The following FANCC variants were observed in gnomAD, a reference collection of about 807,000 sequenced individuals.
The protein encoded by FANCC is FA complementation group C.
A neutral mutation model predicts 71.3 loss-of-function variants in FANCC; 55 were observed. That is an observed-to-expected ratio of 0.77 (90% confidence interval 0.62 to 0.97). The LOEUF (loss-of-function observed/expected upper bound fraction) is 0.97. Among genes scored for constraint, FANCC ranks in the 50% least tolerant of loss-of-function variants. The probability of loss-of-function intolerance (pLI) is 0.00; values close to 1 mark genes in which losing one functional copy is unlikely to be tolerated. For missense variants in FANCC, 678 were observed against 670.9 expected, an observed-to-expected ratio of 1.01 and a Z score of -0.12; for synonymous variants, 275 against 244.9, an observed-to-expected ratio of 1.12 and a Z score of -1.15.
intron 1 of FANCC, among the ~76,000 whole-genome samples, chr9:95,261,773 G>C (rs1389175493): frequency 1.3e-5 from 2 of 152,170 alleles, no homozygotes; most frequent in African/African-American, 4.8e-5. Flanking sequence ...CTAAAGCAAA[G>C]TCGTATGAGC....
At chr9:95,284,940 G>A (rs867498347) in intron 1 of FANCC, among the ~76,000 whole-genome samples, 36 of 145,946 alleles carry the variant, frequency 2.5e-4, no homozygotes, top group South Asian at 2.0e-3. Flanking sequence ...AGAGAGACAC[G>A]CACACACACA....
intron 14 of FANCC, among the ~76,000 whole-genome samples, chr9:95,105,199 A>G (rs1010325141): frequency 6.6e-6 from 1 of 152,176 alleles, no homozygotes; most frequent in Non-Finnish European, 1.5e-5. Flanking sequence ...ACTCCACAGG[A>G]CTGTCCTACC....
At chr9:95,120,476 G>A (rs2072787196) in intron 10 of FANCC, among the ~76,000 whole-genome samples, 1 of 150,456 alleles carries the variant, frequency 6.6e-6, no homozygotes, top group Non-Finnish European at 1.5e-5. Flanking sequence ...GTGCAGTGGT[G>A]TGATCATGGC....
chr9:95,137,269 G>T (rs541941656), intron 7 of FANCC, among the ~76,000 whole-genome samples: 2 of 152,244 alleles, frequency 1.3e-5, no homozygotes, highest in South Asian at 4.1e-4. Context: ...CTGCTTGCTT[G>T]GTGTAGCTCC....
At chr9:95,243,666 C>T (rs1040070840) in intron 3 of FANCC, among the ~76,000 whole-genome samples, 28 of 150,772 alleles carry the variant, frequency 1.9e-4, no homozygotes, top group African/African-American at 3.2e-4. Flanking sequence ...TGGTAGCGGG[C>T]GCCTGTAGTC....
intron 4 of FANCC, among the ~76,000 whole-genome samples, chr9:95,227,833 C>T (rs1313846067): frequency 1.3e-5 from 2 of 152,292 alleles, no homozygotes; most frequent in East Asian, 1.9e-4. Flanking sequence ...GCAAGAAGAA[C>T]GTTTCTAGCT....
rs531075012 is a variant in FANCC, at chr9:95,237,810, G to C, written c.345+2839C>G. 8.5e-5 allele frequency among the ~76,000 whole-genome samples: 13 copies of C among 152,254 alleles called. No homozygotes were observed. In the East Asian group the frequency reaches 9.6e-4, roughly 11 times the overall value. On this transcript the variant is annotated intron_variant, in intron 4 of 14. Coordinates refer to ENST00000289081, the MANE Select transcript of FANCC (RefSeq NM_000136.3). ...TATAAGTGTTAGCGTAACATACACA[G>C]TGGATTTCAAAGATACATCATGAAA... is the stretch of plus-strand genomic sequence containing the variant.
In FANCC at chr9:95,101,850, T is replaced by C; in HGVS notation, c.1534A>G (p.Met512Val). Residue 512 changes from methionine (M) to valine (V), a missense_variant and splice_region_variant, in exon 15 of 15, where the codon ATG becomes GTG. Transcript: ENST00000289081. ...TGAGTTATCTCAGCAGTGTGAGCCA[T>C]CTGCAATCAGGACAGAAGAGAAGGC... The part of the protein sequence containing the change: ...HTIAWDVITL[M>V]AHTAEITHEI... 6.2e-7 allele frequency: 1 copy of C among 1,613,928 alleles called. No individual in the cohort carries two copies. Among genetic ancestry groups the C allele is most frequent in the Non-Finnish European group, 8.5e-7 (1 of 1,179,944 alleles).
intron 7 of FANCC, among the ~76,000 whole-genome samples, chr9:95,146,402 C>T (rs1365385726): frequency 7.2e-6 from 1 of 138,542 alleles, no homozygotes; most frequent in South Asian, 2.3e-4. Flanking sequence ...GTGGGAGGAT[C>T]GCCTGAGCCT....
intron 4 of FANCC, among the ~76,000 whole-genome samples, chr9:95,200,059 C>A (rs957659123): frequency 1.3e-5 from 2 of 151,826 alleles, no homozygotes; most frequent in Admixed American, 1.3e-4. Context: ...AGAGGATAAA[C>A]CTCTCATTTC....
chr9:95,270,929 CAG>C (rs1322965808), intron 1 of FANCC, among the ~76,000 whole-genome samples: 2 of 152,158 alleles, frequency 1.3e-5, no homozygotes, highest in Admixed American at 1.3e-4. Flanking sequence ...TGGAGAGGAG[CAG>C]TCACCTCTCC....
At chr9:95,109,673 C>T (rs950772400) in intron 13 of FANCC, 21 of 152,246 alleles carry the variant, frequency 1.4e-4, no homozygotes, top group African/African-American at 5.1e-4. Flanking sequence ...CCATGTTCTT[C>T]ACCTCAAGGA....
At chr9:95,228,824 T>C (rs1829801292) in intron 4 of FANCC, among the ~76,000 whole-genome samples, 1 of 152,040 alleles carries the variant, frequency 6.6e-6, no homozygotes, top group South Asian at 2.1e-4. Flanking sequence ...AAGGAGTTGC[T>C]GGGCACACAT....
chr9:95,208,081 T>G (rs1012867538), intron 4 of FANCC, among the ~76,000 whole-genome samples: 2 of 4,144 alleles, frequency 4.8e-4, no homozygotes, highest in South Asian at 0.02. Context: ...AGAAGCCTTT[T>G]TTTTTTTTTT....
chr9:95,302,776 C>T (rs1389429681), intron 1 of FANCC, among the ~76,000 whole-genome samples: 1 of 152,188 alleles, frequency 6.6e-6, no homozygotes, highest in African/African-American at 2.4e-5. Context: ...GTCCTACAAA[C>T]ATATCAGAAA....
intron 1 of FANCC, among the ~76,000 whole-genome samples, chr9:95,307,340 C>T (rs1348291484): frequency 6.7e-6 from 1 of 150,248 alleles, no homozygotes; most frequent in Non-Finnish European, 1.5e-5. Context: ...AAGTAGTTAA[C>T]AAAAAAAAAC....
At chr9:95,191,243 C>T (rs1325945962) in intron 4 of FANCC, among the ~76,000 whole-genome samples, 2 of 151,948 alleles carry the variant, frequency 1.3e-5, no homozygotes, top group Admixed American at 1.3e-4. Context: ...CTGAGTGCTC[C>T]CTCCTATGGC....
At chr9:95,149,774 T>C (rs959667409) in intron 7 of FANCC, 149 bp downstream of exon 7, 9 of 940,330 alleles carry the variant, frequency 9.6e-6, no homozygotes, top group Non-Finnish European at 1.5e-5. Flanking sequence ...CCACCACACC[T>C]GGCCGGGATA....
intron 4 of FANCC, among the ~76,000 whole-genome samples, chr9:95,203,354 G>C (rs1349191406): frequency 3.1e-5 from 4 of 127,796 alleles, no homozygotes; most frequent in Non-Finnish European, 4.7e-5. Context: ...CCTCGTGGCT[G>C]GGTGACAGAA....
Sources: allele counts gnomAD v4.1 joint callset (sites outside exome capture counted in the v4.1 genomes callset), GRCh38; gene constraint gnomAD v4.1.1; transcripts MANE v1.5; gene names NCBI Gene and HGNC (gene_info 2026-07-23, HGNC 2026-07-21).